The following KIAA2012 variants were observed in gnomAD, a reference collection of about 807,000 sequenced individuals.
The protein encoded by KIAA2012 is uncharacterized protein KIAA2012.
A neutral mutation model predicts 150.6 loss-of-function variants in KIAA2012; 125 were observed. That is an observed-to-expected ratio of 0.83 (90% CI 0.72 to 0.96). The LOEUF is 0.96. Among genes scored for constraint, KIAA2012 ranks in the 40% least tolerant of loss-of-function variants. The pLI is 0.00. For missense variants in KIAA2012, 1,219 were observed against 1,354.9 expected (o/e 0.90, Z 1.57); for synonymous variants, 462 against 504.7 (o/e 0.92, Z 1.13).
intron 11 of KIAA2012, among the ~76,000 whole-genome samples, chr2:202,124,018 G>C (rs533563977): frequency 4.6e-5 from 7 of 152,046 alleles, no homozygotes; most frequent in Non-Finnish European, 8.8e-5. Context: ...GTGAAACCCT[G>C]TTTCTACTAA....
chr2:202,153,847 T>C (rs1691474326), intron 13 of KIAA2012, among the ~76,000 whole-genome samples: 1 of 152,218 alleles, frequency 6.6e-6, no homozygotes, highest in Non-Finnish European at 1.5e-5. Context: ...GGAGAGATCA[T>C]CCAGGGCCAG....
chr2:202,142,865 C>T (rs1295379867), intron 13 of KIAA2012, among the ~76,000 whole-genome samples: 1 of 151,736 alleles, frequency 6.6e-6, no homozygotes, highest in African/African-American at 2.4e-5. Context: ...AGATTTAATA[C>T]TAATGTTTAA....
At chr2:202,191,105 C>T (rs762768607) in intron 19 of KIAA2012, among the ~76,000 whole-genome samples, 6 of 151,910 alleles carry the variant, frequency 3.9e-5, no homozygotes, top group African/African-American at 1.5e-4. Context: ...AGGGAAAGCC[C>T]GTTTCTACTA....
At chr2:202,201,984 G>A in intron 22 of KIAA2012, 1 of 624,510 alleles carries the variant, frequency 1.6e-6, no homozygotes, top group Non-Finnish European at 2.8e-6. Flanking sequence ...CAGTCCATCT[G>A]TCTAGCGTTA....
In KIAA2012 at chr2:202,154,773, C is replaced by T. The variant is rs935148499; in HGVS notation, c.2009C>T (p.Thr670Met). 1.6e-5 allele frequency: 25 copies of T among 1,549,504 alleles called. No individual in the cohort carries two copies. In the African/African-American group the frequency reaches 2.2e-4, roughly 14 times the overall value. ...TGTTCAAACAGAAAAGAATTTTACA[C>T]GCGCAAGCTGCACATCGACATGACG... is the stretch of plus-strand genomic sequence containing the variant. ...LICSNRKEFY[T>M]RKLHIDMTPF... Residue 670 changes from threonine to methionine, a missense_variant, in exon 14 of 24, where the codon ACG becomes ATG. By Grantham distance (81) the Thr-to-Met change is moderately conservative (BLOSUM62 -1). Coordinates refer to ENST00000498697, the MANE Select transcript of KIAA2012 (RefSeq NM_001277372.4).
Position 202,156,528 on chromosome 2 carries a change from T to C in KIAA2012, c.2046+1718T>C, listed in dbSNP as rs555000809. ...AGATCCCTACCCTGCTCCAGGATAG[T>C]ACAGGTAACAGACAACAGACCTAAT... On this transcript the variant is annotated intron_variant, in intron 14 of 23. Transcript: ENST00000498697. Among the ~76,000 whole-genome samples the C allele has an allele frequency of 1.6e-4, 25 of 152,244 alleles. 1 individual carries two copies. The South Asian group carries it at 4.6e-3, about 28-fold the overall frequency.
intron 11 of KIAA2012, chr2:202,116,243 G>A (rs1168195264): frequency 6.6e-6 from 1 of 152,134 alleles, no homozygotes; most frequent in Non-Finnish European, 1.5e-5. Context: ...GTCTCTTTCA[G>A]AGTTTCTGTT....
At chr2:202,111,509 CAAAAAAA>C (rs71025277) in intron 10 of KIAA2012, among the ~76,000 whole-genome samples, 3 of 57,626 alleles carry the variant, frequency 5.2e-5, no homozygotes, top group Non-Finnish European at 5.8e-5. Flanking sequence ...GACTCTGTCT[CAAAAAAA>C]AAAAAAAAAA....
chr2:202,173,435 G>A (rs1224578145), intron 15 of KIAA2012, among the ~76,000 whole-genome samples: 2 of 152,240 alleles, frequency 1.3e-5, no homozygotes, highest in Non-Finnish European at 2.9e-5. Context: ...TGGGCGTGGT[G>A]GCACGTGCCT....
chr2:202,095,016 A>C (rs1481174084), intron 4 of KIAA2012, among the ~76,000 whole-genome samples: 1 of 152,204 alleles, frequency 6.6e-6, no homozygotes, highest in African/African-American at 2.4e-5. Flanking sequence ...TTTCTCATTT[A>C]TAAAATGGAG....
At chr2:202,203,371 T>C (rs1354159250) in intron 23 of KIAA2012, among the ~76,000 whole-genome samples, 3 of 152,224 alleles carry the variant, frequency 2.0e-5, no homozygotes, top group Admixed American at 1.3e-4. Context: ...TAAAACGTAA[T>C]GTCTATTTAG....
At chr2:202,179,309 T>C in intron 15 of KIAA2012, 1 of 1,202,988 alleles carries the variant, frequency 8.3e-7, no homozygotes, top group Non-Finnish European at 1.2e-6. Flanking sequence ...CGGAGCGCGG[T>C]ACGGCTTTTC....
chr2:202,127,151 GA>G (rs1427944480), intron 12 of KIAA2012, among the ~76,000 whole-genome samples: 3 of 151,754 alleles, frequency 2.0e-5, no homozygotes, highest in Non-Finnish European at 2.9e-5. Flanking sequence ...TCAAAGTCCT[GA>G]AACAAATTTT....
At position 202,073,434 on chromosome 2, in the gene KIAA2012, A is replaced by C; in HGVS notation, c.-194A>C. ...GTTTATTTTTTCTCTCCACAAAGAC[A>C]CACACTGTCTAAACTGTGTGGCTGG... On this transcript the variant is annotated 5_prime_UTR_variant, in exon 1 of 24. Transcript: ENST00000498697. 1.8e-6 allele frequency: 1 copy of C among 543,536 alleles called. No individual in the cohort carries two copies. The highest frequency in any genetic ancestry group is 2.7e-5 in the South Asian group (1 of 36,656). The allele number at this position is 543,536 out of a possible 1,614,324, so 33.7% of individuals were successfully genotyped here.
Position 202,075,005 on chromosome 2 carries a change from A to G in KIAA2012, c.199A>G (p.Arg67Gly), listed in dbSNP as rs1311256726. ...SLFLPKTFSTRKGALILYSEG... is the reference protein window; with the variant it reads ...SLFLPKTFSTGKGALILYSEG... ...CTTTCTCCCTAAAACTTTCAGTACTAGAAAGGGTGCCCTGATCCTGTACTC... is the reference window on the plus strand; with the variant it reads ...CTTTCTCCCTAAAACTTTCAGTACTGGAAAGGGTGCCCTGATCCTGTACTC... Residue 67 changes from arginine to glycine, a missense_variant, in exon 2 of 24, where the codon AGA becomes GGA. Arg to Gly is a moderately radical substitution (Grantham distance 125). Coordinates refer to ENST00000498697, the MANE Select transcript of KIAA2012 (RefSeq NM_001277372.4). 2 of 1,550,726 alleles carry G rather than the reference A, an allele frequency of 1.3e-6. No homozygotes were observed. The highest frequency in any genetic ancestry group is 2.4e-5 in the East Asian group (1 of 40,916).
At chr2:202,172,482 TATGG>T (rs1691915941) in intron 15 of KIAA2012, among the ~76,000 whole-genome samples, 1 of 152,216 alleles carries the variant, frequency 6.6e-6, no homozygotes, top group Non-Finnish European at 1.5e-5. Flanking sequence ...TCTTTTATAT[TATGG>T]ATGAAGAAAC....
At chr2:202,112,629 A>G (rs1394820560) in intron 10 of KIAA2012, among the ~76,000 whole-genome samples, 3 of 152,202 alleles carry the variant, frequency 2.0e-5, no homozygotes, top group Non-Finnish European at 4.4e-5. Flanking sequence ...CTCCAGGTAA[A>G]GAGTGTCAGA....
chr2:202,093,171 A>T lies in KIAA2012; in HGVS notation c.671A>T (p.Lys224Ile). 6.4e-7 allele frequency: 1 copy of T among 1,551,162 alleles called. No individual in the cohort carries two copies. Among genetic ancestry groups the T allele is most frequent in the Non-Finnish European group, 8.7e-7 (1 of 1,147,104 alleles). ...VFPSFWIQQG[K>I]SFEQRQQGLD... is the part of the protein sequence containing the mutation. ...CCTTCATTTTGGATTCAACAAGGAA[A>T]ATCTTTTGAACAACGTACGTGTTGA... Residue 224 changes from lysine (K) to isoleucine (I), a missense_variant, in exon 4 of 24, where the codon AAA (lysine) becomes ATA (isoleucine). By Grantham distance (102) the Lys-to-Ile change is moderately radical. Transcript: ENST00000498697.
chr2:202,183,457 T>G (rs4353630), intron 15 of KIAA2012, among the ~76,000 whole-genome samples: 41,641 of 123,750 alleles, frequency 0.34, 7,244 homozygotes, highest in East Asian at 0.53. Flanking sequence ...TTTTGGGGGG[T>G]TTTTGGGGGG....
Sources: allele counts gnomAD v4.1 joint callset (sites outside exome capture counted in the v4.1 genomes callset), GRCh38; gene constraint gnomAD v4.1.1; transcripts MANE v1.5; gene names NCBI Gene and HGNC (gene_info 2026-07-23, HGNC 2026-07-21).